Variants in DAPK1 observed in about 807,000 individuals in gnomAD.
DAPK1 encodes death-associated protein kinase 1.
A neutral mutation model predicts 144.9 loss-of-function variants in DAPK1; 56 were observed. The observed-to-expected ratio is 0.39, with a 90% CI of 0.31 to 0.48. DAPK1 has a LOEUF of 0.48. Ranked by LOEUF, DAPK1 falls within the 20% of genes least tolerant of loss-of-function variation. The pLI is 0.95. For missense variants in DAPK1, 1,454 were observed against 1,875.4 expected (o/e 0.78, Z 4.15); for synonymous variants, 690 against 749.0 (o/e 0.92, Z 1.29).
At chr9:87,540,207 T>TGA (rs1825999112) in intron 2 of DAPK1, among the ~76,000 whole-genome samples, 1 of 94,426 alleles carries the variant, frequency 1.1e-5, no homozygotes, top group Non-Finnish European at 2.2e-5. Flanking sequence ...TTTTTTTTTT[T>TGA]GAGACAGAGT....
intron 2 of DAPK1, among the ~76,000 whole-genome samples, chr9:87,563,282 T>C (rs2118672904): frequency 1.3e-5 from 2 of 152,368 alleles, no homozygotes; most frequent in East Asian, 1.9e-4. Context: ...TGAGGAAGAA[T>C]ATGGGAGTAG....
intron 19 of DAPK1, among the ~76,000 whole-genome samples, chr9:87,679,379 G>C (rs566276766): frequency 4.2e-4 from 64 of 152,100 alleles, no homozygotes; most frequent in Non-Finnish European, 8.2e-4. Context: ...GGGTGAGGAA[G>C]AGGCTTCAGG....
intron 2 of DAPK1, among the ~76,000 whole-genome samples, chr9:87,531,378 G>C (rs893987910): frequency 2.0e-5 from 3 of 152,166 alleles, no homozygotes; most frequent in African/African-American, 7.2e-5. Context: ...GGGCTTTCCT[G>C]TGTTTTCTTC....
chr9:87,697,106 TTG>T lies in DAPK1; in HGVS notation c.2515_2516del (p.Val839LeufsTer2). 2 of 1,555,226 alleles carry T rather than the reference TTG, an allele frequency of 1.3e-6. No individual in the cohort carries two copies. The highest frequency in any genetic ancestry group is 1.8e-6 in the Non-Finnish European group (2 of 1,126,244). Reference sequence around the variant, plus strand: ...AATGATCCCACGTCAATCCATGTTGTTGTCTTTAGTCTAGAAGAGCCCTATGA... The same window carrying T: ...AATGATCCCACGTCAATCCATGTTGTTCTTTAGTCTAGAAGAGCCCTATGA... On this transcript the variant is annotated frameshift_variant, in exon 22 of 26. Coordinates refer to ENST00000408954, the MANE Select transcript of DAPK1 (RefSeq NM_004938.4). LOFTEE classifies it high-confidence loss of function.
chr9:87,646,753 C>T (rs903350941), intron 13 of DAPK1, among the ~76,000 whole-genome samples, 194 bp downstream of exon 13: 3 of 152,206 alleles, frequency 2.0e-5, no homozygotes, highest in Admixed American at 1.3e-4. Context: ...ATCATTTATC[C>T]TCCCCTTGGC....
chr9:87,596,814 G>A (rs942277507), intron 2 of DAPK1, among the ~76,000 whole-genome samples: 5 of 152,188 alleles, frequency 3.3e-5, no homozygotes, highest in East Asian at 1.9e-4. Flanking sequence ...ACTCCAAAAC[G>A]TGGTAGTTGA....
intron 2 of DAPK1, among the ~76,000 whole-genome samples, chr9:87,528,020 AATACAT>A (rs1587689466): frequency 1.3e-5 from 2 of 152,194 alleles, no homozygotes; most frequent in South Asian, 4.1e-4. Context: ...TTCATACACC[AATACAT>A]ATATAGGTAG....
chr9:87,518,871 A>ACC (rs548036106), intron 2 of DAPK1, among the ~76,000 whole-genome samples: 105 of 149,250 alleles, frequency 7.0e-4, no homozygotes, highest in African/African-American at 2.4e-3. Flanking sequence ...AAAATCAGCC[A>ACC]CCCCTTCAAA....
At chr9:87,552,214 G>A (rs1406598719) in intron 2 of DAPK1, among the ~76,000 whole-genome samples, 2 of 152,098 alleles carry the variant, frequency 1.3e-5, no homozygotes, top group Non-Finnish European at 2.9e-5. Context: ...ATACTGCTTG[G>A]CAGGAAGTCC....
At chr9:87,647,521 A>G (rs529473978) in intron 14 of DAPK1, 118 bp downstream of exon 14, 4 of 798,500 alleles carry the variant, frequency 5.0e-6, no homozygotes, top group African/African-American at 1.7e-5. Flanking sequence ...ACCAGAATTC[A>G]CCTGCAGAAC....
intron 3 of DAPK1, among the ~76,000 whole-genome samples, chr9:87,605,627 T>A (rs1257051176): frequency 6.6e-6 from 1 of 152,106 alleles, no homozygotes; most frequent in Non-Finnish European, 1.5e-5. Flanking sequence ...ACCCCATTTT[T>A]AACTGTTAAT....
At chr9:87,549,293 G>T (rs946269376) in intron 2 of DAPK1, among the ~76,000 whole-genome samples, 1 of 152,152 alleles carries the variant, frequency 6.6e-6, no homozygotes, top group African/African-American at 2.4e-5. Flanking sequence ...TGGCTGCATA[G>T]TATTCCATGT....
At chr9:87,674,506 C>T (rs1223634382) in intron 19 of DAPK1, among the ~76,000 whole-genome samples, 3 of 102,294 alleles carry the variant, frequency 2.9e-5, no homozygotes, top group African/African-American at 1.2e-4. Context: ...CAGAGTAAGA[C>T]TCTGTCTCAA....
At position 87,556,917 on chromosome 9, in the gene DAPK1, A is replaced by T. The variant is rs145708394; in HGVS notation, c.63-48037A>T. The stretch of plus-strand genomic sequence containing the variant: ...CCTTGGGCGTGTTCCTTGAAGAGCC[A>T]GTCCTGCAGTTGTGGGTGGGAGAGG... On this transcript the variant is annotated intron_variant, in intron 2 of 25. Transcript: ENST00000408954. Among the ~76,000 whole-genome samples, 414 of 152,342 alleles carry T rather than the reference A, an allele frequency of 2.7e-3. 4 individuals are homozygous for T. The highest frequency in any genetic ancestry group is 9.7e-3 in the African/African-American group (405 of 41,584).
intron 3 of DAPK1, among the ~76,000 whole-genome samples, chr9:87,629,478 C>T (rs771068496): frequency 6.6e-6 from 1 of 152,166 alleles, no homozygotes; most frequent in African/African-American, 2.4e-5. Context: ...AGTGTGGCTC[C>T]GGCAACCTAA....
chr9:87,547,845 C>CA (rs1306808563), intron 2 of DAPK1, among the ~76,000 whole-genome samples: 1 of 152,116 alleles, frequency 6.6e-6, no homozygotes, highest in Non-Finnish European at 1.5e-5. Context: ...TGGCTTTACT[C>CA]AGAGTCTGCT....
Position 87,698,744 on chromosome 9 carries a change from C to A in DAPK1, c.2700C>A (p.Gly900=). ...DIMNVPRPAG[G]EFGYDKDTSL... is the part of the protein sequence containing the mutation. ...TGAATGTTCCTCGACCGGCTGGAGGCGAGTTTGGATATGACAAAGACACAT... is the reference window on the plus strand; with the variant it reads ...TGAATGTTCCTCGACCGGCTGGAGGAGAGTTTGGATATGACAAAGACACAT... The change falls in exon 23 of 26, where the codon GGC becomes GGA. Residue 900 remains glycine (G), a synonymous_variant. Transcript: ENST00000408954. 6.2e-7 allele frequency: 1 copy of A among 1,604,072 alleles called. No homozygotes were observed. The highest frequency in any genetic ancestry group is 8.5e-7 in the Non-Finnish European group (1 of 1,170,924).
chr9:87,507,108 CGCGG>C (rs1237688835), intron 2 of DAPK1: 1 of 152,192 alleles, frequency 6.6e-6, no homozygotes, highest in Non-Finnish European at 1.5e-5. Flanking sequence ...CCAATAGTGA[CGCGG>C]GTTTGTCACT....
At chr9:87,521,622 A>G (rs1263970895) in intron 2 of DAPK1, among the ~76,000 whole-genome samples, 1 of 152,228 alleles carries the variant, frequency 6.6e-6, no homozygotes, top group Non-Finnish European at 1.5e-5. Context: ...TGGTACAAAG[A>G]AGAGGAGAAG....
Sources: allele counts gnomAD v4.1 joint callset (sites outside exome capture counted in the v4.1 genomes callset), GRCh38; gene constraint gnomAD v4.1.1; transcripts MANE v1.5; gene names NCBI Gene and HGNC (gene_info 2026-07-23, HGNC 2026-07-21).